The following CBFB variants were observed in gnomAD, a reference collection of about 807,000 sequenced individuals.
CBFB encodes CBF-beta.
CBFB carries 9 observed loss-of-function variants against 30.4 expected under a neutral mutation model. That is an observed-to-expected ratio of 0.30 (90% CI 0.18 to 0.52). CBFB has a LOEUF of 0.52. Ranked by LOEUF, CBFB falls within the 20% of genes least tolerant of loss-of-function variation. CBFB has a pLI of 0.97. For synonymous variants in CBFB, 94 were observed against 84.0 expected (o/e 1.12, Z -0.65); for missense variants, 170 against 244.0 (o/e 0.70, Z 2.02).
intron 5 of CBFB, 113 bp downstream of exon 5, chr16:67,082,421 A>G: frequency 7.5e-7 from 1 of 1,336,538 alleles, no homozygotes; most frequent in South Asian, 1.8e-5. Context: ...TTTGTCTTTC[A>G]TTTTTAAAAA....
chr16:67,075,844 C>T (rs1961381313), intron 4 of CBFB, among the ~76,000 whole-genome samples: 2 of 152,178 alleles, frequency 1.3e-5, no homozygotes, highest in East Asian at 3.8e-4. Context: ...GTTATGGTGC[C>T]TCACCCTTGT....
chr16:67,033,351 CTTT>C (rs903750301), intron 2 of CBFB, among the ~76,000 whole-genome samples: 1 of 152,036 alleles, frequency 6.6e-6, no homozygotes, highest in African/African-American at 2.4e-5. Context: ...CTGATTTATT[CTTT>C]TTTGAGACTG....
chr16:67,033,020 G>A (rs936168607), intron 2 of CBFB, among the ~76,000 whole-genome samples: 1 of 152,086 alleles, frequency 6.6e-6, no homozygotes, highest in Admixed American at 6.6e-5. Context: ...AATTACAGGC[G>A]TATACCACCA....
At chr16:67,038,466 CA>C (rs1567604901) in intron 3 of CBFB, among the ~76,000 whole-genome samples, 1 of 151,818 alleles carries the variant, frequency 6.6e-6, no homozygotes, top group Non-Finnish European at 1.5e-5. Context: ...CGTGACAAAA[CA>C]ATCTTTGGAT....
chr16:67,068,524 T>G (rs570104230), intron 4 of CBFB, among the ~76,000 whole-genome samples: 1 of 152,228 alleles, frequency 6.6e-6, no homozygotes, highest in Admixed American at 6.5e-5. Flanking sequence ...CATCAGAGGC[T>G]GTGCACTGCT....
chr16:67,096,126 A>G (rs1962039535), intron 5 of CBFB, among the ~76,000 whole-genome samples: 1 of 151,944 alleles, frequency 6.6e-6, no homozygotes, highest in Non-Finnish European at 1.5e-5. Flanking sequence ...CCTGGCCAAC[A>G]TGGCAAAACC....
At chr16:67,082,433 T>C (rs1047249245) in intron 5 of CBFB, 125 bp downstream of exon 5, 4 of 1,189,704 alleles carry the variant, frequency 3.4e-6, no homozygotes, top group Non-Finnish European at 4.6e-6. Context: ...TTTTAAAAAG[T>C]TGTACTCTCT....
chr16:67,059,691 G>A (rs1960836777), intron 3 of CBFB, among the ~76,000 whole-genome samples: 1 of 152,098 alleles, frequency 6.6e-6, no homozygotes, highest in African/African-American at 2.4e-5. Context: ...CCCTGCTGGG[G>A]TTTTTTCTTC....
chr16:67,082,098 C>T (rs1274871769), intron 4 of CBFB, 115 bp from the exon 5 acceptor site: 9 of 728,494 alleles, frequency 1.2e-5, no homozygotes, highest in South Asian at 4.8e-5. Context: ...AGATTACAGG[C>T]GTGAGCCACT....
intron 4 of CBFB, among the ~76,000 whole-genome samples, chr16:67,072,271 T>C (rs1377353572): frequency 1.3e-5 from 2 of 152,176 alleles, no homozygotes; most frequent in Non-Finnish European, 2.9e-5. Context: ...AATACGTTTT[T>C]AAATAAAACA....
Position 67,050,614 on chromosome 16 carries a change from A to C in CBFB, c.282+13859A>C, listed in dbSNP as rs941801965. ...GTTTGAGACCAGCCTGGGCAATATG[A>C]GACCCTGTCTGTACAAAAAAGTTTA... On this transcript the variant is annotated intron_variant, in intron 3 of 5. Coordinates refer to ENST00000412916, the MANE Select transcript of CBFB (RefSeq NM_022845.3). 2.6e-5 allele frequency among the ~76,000 whole-genome samples: 4 copies of C among 152,164 alleles called. No homozygotes were observed. The East Asian group carries it at 7.7e-4, about 29-fold the overall frequency.
chr16:67,065,309 A>C (rs892442002), intron 3 of CBFB, among the ~76,000 whole-genome samples: 2 of 152,254 alleles, frequency 1.3e-5, no homozygotes, highest in African/African-American at 4.8e-5. Flanking sequence ...TTTAAACTGC[A>C]GTGCATAAAG....
chr16:67,097,081 A>G (rs188997075), intron 5 of CBFB, among the ~76,000 whole-genome samples: 28 of 152,222 alleles, frequency 1.8e-4, no homozygotes, highest in African/African-American at 6.5e-4. Flanking sequence ...CAAAGAATAC[A>G]AAAATTAGCC....
chr16:67,064,597 TTATCTC>T (rs1245494162), intron 3 of CBFB, among the ~76,000 whole-genome samples: 17 of 152,168 alleles, frequency 1.1e-4, no homozygotes, highest in African/African-American at 2.7e-4. Context: ...CTTATATTGT[TTATCTC>T]TATCACAATA....
At chr16:67,045,535 T>G (rs1348857147) in intron 3 of CBFB, among the ~76,000 whole-genome samples, 2 of 151,788 alleles carry the variant, frequency 1.3e-5, no homozygotes, top group African/African-American at 2.4e-5. Context: ...AAAATTAAAA[T>G]GTTTTAAAAT....
intron 3 of CBFB, among the ~76,000 whole-genome samples, chr16:67,041,220 A>G (rs867193961): frequency 3.9e-5 from 6 of 152,186 alleles, no homozygotes; most frequent in Non-Finnish European, 5.9e-5. Context: ...GAGTAAAGGC[A>G]TGCTCCTGCA....
chr16:67,050,166 TCA>T (rs1597132860), intron 3 of CBFB, among the ~76,000 whole-genome samples: 1 of 148,092 alleles, frequency 6.8e-6, no homozygotes, highest in East Asian at 1.9e-4. Flanking sequence ...CATAAATATA[TCA>T]TATATAAATT....
At position 67,066,668 on chromosome 16, in the gene CBFB, TTTCTG is replaced by T; in HGVS notation, c.283-12_283-8del. ...GATGGTTTTCAATTATTTTCATCCTTTTCTGTGTCTTAGGTATATTTGAAGGCTCC... is the reference window on the plus strand; with the variant it reads ...GATGGTTTTCAATTATTTTCATCCTTTGTCTTAGGTATATTTGAAGGCTCC... On this transcript the variant is annotated splice_polypyrimidine_tract_variant and intron_variant, in intron 3 of 5. Coordinates refer to ENST00000412916, the MANE Select transcript of CBFB (RefSeq NM_022845.3). 7.3e-7 allele frequency: 1 copy of T among 1,378,726 alleles called. No individual in the cohort carries two copies. The highest frequency in any genetic ancestry group is 1.0e-6 in the Non-Finnish European group (1 of 969,866). The allele number at this position is 1,378,726 out of a possible 1,614,324, so 85.4% of individuals were successfully genotyped here. A position where few individuals can be genotyped will look rare whatever the true frequency, so the allele number is the denominator to read the frequency against.
At chr16:67,046,822 A>G (rs1221931648) in intron 3 of CBFB, among the ~76,000 whole-genome samples, 1 of 152,176 alleles carries the variant, frequency 6.6e-6, no homozygotes, top group East Asian at 1.9e-4. Context: ...TTATTCTTTG[A>G]TGCTTAGTTT....
Sources: allele counts gnomAD v4.1 joint callset (sites outside exome capture counted in the v4.1 genomes callset), GRCh38; gene constraint gnomAD v4.1.1; transcripts MANE v1.5; gene names NCBI Gene and HGNC (gene_info 2026-07-23, HGNC 2026-07-21).